The following KLHL24 variants were observed in gnomAD, a reference collection of about 807,000 sequenced individuals.
The protein encoded by KLHL24 is kelch-like protein 24.
Under a neutral mutation model 53.4 loss-of-function variants are expected in KLHL24, and 29 were observed. That is an observed-to-expected ratio of 0.54 (90% CI 0.40 to 0.74). The LOEUF is 0.74. Ranked by LOEUF, KLHL24 falls within the 30% of genes least tolerant of loss-of-function variation. KLHL24 has a pLI of 0.00. For synonymous variants in KLHL24, 222 were observed against 253.7 expected (o/e 0.88, Z 1.19); for missense variants, 504 against 744.0 (o/e 0.68, Z 3.75).
intron 1 of KLHL24, chr3:183,642,880 T>G (rs1459165311): frequency 6.6e-6 from 1 of 152,296 alleles, no homozygotes; most frequent in East Asian, 1.9e-4. Flanking sequence ...TTGACATTAA[T>G]TTTCTTTTAC....
intron 2 of KLHL24, among the ~76,000 whole-genome samples, chr3:183,646,919 C>T (rs1306656997): frequency 1.3e-5 from 2 of 151,678 alleles, no homozygotes; most frequent in African/African-American, 2.4e-5. Context: ...ACGCCATTCT[C>T]CTGTCTCAGC....
intron 3 of KLHL24, among the ~76,000 whole-genome samples, chr3:183,662,879 G>T (rs181038865): frequency 1.3e-5 from 2 of 152,036 alleles, no homozygotes; most frequent in African/African-American, 2.4e-5. Context: ...TAACATTCTT[G>T]TTATAAACTG....
At chr3:183,643,899 G>A (rs1436328391) in intron 2 of KLHL24, among the ~76,000 whole-genome samples, 1 of 151,990 alleles carries the variant, frequency 6.6e-6, no homozygotes, top group East Asian at 1.9e-4. Context: ...TGTGATATTT[G>A]CAAAAATGTT....
intron 3 of KLHL24, among the ~76,000 whole-genome samples, chr3:183,660,713 A>G (rs2054172): frequency 0.33 from 50,683 of 151,710 alleles, 9,315 homozygotes; most frequent in African/African-American, 0.49. Context: ...ACCTATTGCC[A>G]TTTCAGGTGG....
At chr3:183,648,070 G>C (rs1200349266) in intron 2 of KLHL24, among the ~76,000 whole-genome samples, 1 of 152,094 alleles carries the variant, frequency 6.6e-6, no homozygotes, top group Admixed American at 6.6e-5. Flanking sequence ...GTAAACCCTA[G>C]GCCTAGTACA....
At chr3:183,637,025 C>A (rs75695841) in intron 1 of KLHL24, among the ~76,000 whole-genome samples, 2 of 152,104 alleles carry the variant, frequency 1.3e-5, no homozygotes, top group African/African-American at 4.8e-5. Context: ...GTCCTGCGAA[C>A]ACGTTGTTGC....
Position 183,650,782 on chromosome 3 carries a change from A to G in KLHL24, c.426A>G (p.Thr142=), listed in dbSNP as rs1396667198. The change falls in exon 3 of 8, where the codon ACA becomes ACG. Residue 142 remains threonine, a synonymous_variant. Transcript: ENST00000242810. This position sits in a 1 kb window ranked among gnomAD's most constrained non-coding sequence, Gnocchi z 4.5. ...AGAATGTACAGTATCTCTTTGAGACATCAAGCCTCTTTCAGATTAGTGTTC... is the reference window on the plus strand; with the variant it reads ...AGAATGTACAGTATCTCTTTGAGACGTCAAGCCTCTTTCAGATTAGTGTTC... The part of the protein sequence containing the change: ...TTENVQYLFE[T]SSLFQISVLR... 5 of 1,613,972 alleles carry G rather than the reference A, an allele frequency of 3.1e-6. No homozygotes were observed. In the African/African-American group the frequency reaches 5.3e-5, roughly 17 times the overall value.
intron 2 of KLHL24, among the ~76,000 whole-genome samples, chr3:183,645,964 A>G (rs1055455721): frequency 2.6e-5 from 4 of 152,168 alleles, no homozygotes; most frequent in African/African-American, 7.2e-5. Flanking sequence ...TTCCATTGCC[A>G]TAACTATTAT....
chr3:183,648,957 C>T (rs1250985204), intron 2 of KLHL24, among the ~76,000 whole-genome samples: 5 of 151,802 alleles, frequency 3.3e-5, no homozygotes, highest in South Asian at 2.1e-4. Context: ...GAGTCAAGAT[C>T]GCGCCATTGC....
chr3:183,637,274 T>G (rs77255195), intron 1 of KLHL24, among the ~76,000 whole-genome samples: 1 of 152,186 alleles, frequency 6.6e-6, no homozygotes, highest in Non-Finnish European at 1.5e-5. Context: ...ATTTAAAATC[T>G]GCTTGTTGTT....
intron 3 of KLHL24, among the ~76,000 whole-genome samples, chr3:183,653,619 A>G (rs1718444372): frequency 6.6e-6 from 1 of 152,226 alleles, no homozygotes; most frequent in African/African-American, 2.4e-5. Flanking sequence ...AGAGAGAAAA[A>G]CAGGAACGTA....
Position 183,650,450 on chromosome 3 carries a change from A to G in KLHL24, c.94A>G (p.Lys32Glu), listed in dbSNP as rs1717970196. The G allele has an allele frequency of 1.2e-6, 2 of 1,614,058 alleles. No homozygotes were observed. The highest frequency in any genetic ancestry group is 8.5e-7 in the Non-Finnish European group (1 of 1,180,028). ...TKRKVFEMDP[K>E]SLTGHEFFDF... is the part of the protein sequence containing the mutation. ...GCGAAAAGTTTTTGAAATGGACCCC[A>G]AATCTCTGACAGGTCATGAGTTTTT... The change falls in exon 3 of 8, where the codon AAA becomes GAA. Residue 32 changes from lysine (K) to glutamate (E), a missense_variant. By Grantham distance (56) the Lys-to-Glu change is moderately conservative. Coordinates refer to ENST00000242810, the MANE Select transcript of KLHL24 (RefSeq NM_017644.3). The surrounding 1 kb of genome is among the most constrained non-coding windows in gnomAD (Gnocchi z 4.5).
At position 183,668,981 on chromosome 3, in the gene KLHL24, A is replaced by G. The variant is rs145782737; in HGVS notation, c.1225-2053A>G. Among the ~76,000 whole-genome samples, 165 of 152,268 alleles carry G rather than the reference A, an allele frequency of 1.1e-3. 2 individuals are homozygous for G. The East Asian group carries it at 0.029, about 27-fold the overall frequency. On this transcript the variant is annotated intron_variant, in intron 5 of 7. Transcript: ENST00000242810. ...TTAATATAACTTGGTCATCTTATAA[A>G]TAACCCCAAAGAGATCAAGTCACTT...
chr3:183,640,958 A>C (rs1267055616), intron 1 of KLHL24, among the ~76,000 whole-genome samples: 1 of 152,022 alleles, frequency 6.6e-6, no homozygotes, highest in Non-Finnish European at 1.5e-5. Flanking sequence ...AAGAAACTGG[A>C]AATGTTGAAA....
Position 183,650,183 on chromosome 3 carries a change from C to T in KLHL24, c.-61-113C>T. 1.7e-6 allele frequency: 1 copy of T among 590,852 alleles called. No homozygotes were observed. The highest frequency in any genetic ancestry group is 3.0e-6 in the Non-Finnish European group (1 of 338,922). 36.6% of individuals were successfully genotyped at this position (590,852 alleles called of 1,614,324 possible). ...TTAACATGAGATAGTGCTGTGTACC[C>T]TATATGAAATATATTATGTGATTTT... On this transcript the variant is annotated intron_variant, in intron 2 of 7. Transcript: ENST00000242810. The surrounding 1 kb of genome is among the most constrained non-coding windows in gnomAD (Gnocchi z 4.5).
chr3:183,668,570 C>T (rs1266574817), intron 5 of KLHL24, among the ~76,000 whole-genome samples: 1 of 152,148 alleles, frequency 6.6e-6, no homozygotes, highest in Non-Finnish European at 1.5e-5. Context: ...GAGCACTCCC[C>T]AGTGTAACTT....
At chr3:183,662,911 C>T (rs9822898) in intron 3 of KLHL24, among the ~76,000 whole-genome samples, 50,927 of 151,878 alleles carry the variant, frequency 0.34, 9,382 homozygotes, top group African/African-American at 0.49. Context: ...AGTGATTGCC[C>T]AACATTTTGA....
intron 1 of KLHL24, among the ~76,000 whole-genome samples, chr3:183,642,168 A>G (rs995744993): frequency 2.0e-5 from 3 of 152,230 alleles, no homozygotes; most frequent in African/African-American, 7.2e-5. Flanking sequence ...TAGGTTCTTT[A>G]TAAATGTTTC....
chr3:183,645,284 G>A (rs1351793260), intron 2 of KLHL24, among the ~76,000 whole-genome samples: 1 of 152,110 alleles, frequency 6.6e-6, no homozygotes, highest in African/African-American at 2.4e-5. Context: ...TTGACATTCA[G>A]GTACAGTAGT....
Sources: allele counts gnomAD v4.1 joint callset (sites outside exome capture counted in the v4.1 genomes callset), GRCh38; gene constraint gnomAD v4.1.1; non-coding constraint Gnocchi (gnomAD v3.1); transcripts MANE v1.5; gene names NCBI Gene and HGNC (gene_info 2026-07-23, HGNC 2026-07-21).